The following LIN9 variants were observed in gnomAD, a reference collection of about 807,000 sequenced individuals.
The protein encoded by LIN9 is lin-9 DREAM MuvB core complex component.
Under a neutral mutation model 78.0 loss-of-function variants are expected in LIN9, and 18 were observed. That is an observed-to-expected ratio of 0.23 (90% confidence interval 0.16 to 0.34). The LOEUF is 0.34. LIN9 is among the 10% of genes least tolerant of loss of function. LIN9 has a pLI of 1.00. For synonymous variants in LIN9, 192 were observed against 215.2 expected, an observed-to-expected ratio of 0.89 and a Z score of 0.94; for missense variants, 451 against 644.1, an observed-to-expected ratio of 0.70 and a Z score of 3.25.
intron 2 of LIN9, among the ~76,000 whole-genome samples, chr1:226,298,906 AAAAGT>A (rs901840437): frequency 2.6e-5 from 4 of 152,150 alleles, no homozygotes; most frequent in African/African-American, 9.7e-5. Flanking sequence ...CAAAAAAAGA[AAAAGT>A]AAATCAGCGT....
intron 7 of LIN9, among the ~76,000 whole-genome samples, chr1:226,272,295 ATCTGCCTGCC>A (rs752396712): frequency 5.1e-4 from 77 of 151,576 alleles, no homozygotes; most frequent in Non-Finnish European, 9.1e-4. Context: ...ACCTCAAGTG[ATCTGCCTGCC>A]TCGGCCTGCC....
chr1:226,291,352 G>A (rs1661780582), intron 4 of LIN9, among the ~76,000 whole-genome samples: 1 of 151,770 alleles, frequency 6.6e-6, no homozygotes, highest in African/African-American at 2.4e-5. Context: ...AACATGGCCA[G>A]ATCTCAAAAA....
chr1:226,250,979 C>T (rs1458071092), intron 10 of LIN9, 60 bp from the exon 11 acceptor site: 1 of 801,284 alleles, frequency 1.2e-6, no homozygotes, highest in African/African-American at 1.7e-5. Context: ...ATTGGTTAGA[C>T]ATTAAATTTC....
At chr1:226,262,000 G>A (rs549916246) in intron 10 of LIN9, among the ~76,000 whole-genome samples, 5 of 152,274 alleles carry the variant, frequency 3.3e-5, no homozygotes, top group African/African-American at 1.2e-4. Flanking sequence ...ATGGGCAAAG[G>A]CAGTTGCGCA....
intron 1 of LIN9, among the ~76,000 whole-genome samples, chr1:226,305,388 G>GA (rs903805592): frequency 1.4e-5 from 2 of 147,518 alleles, no homozygotes; most frequent in African/African-American, 5.0e-5. Flanking sequence ...AGCTACTGGG[G>GA]AGACTGATGC....
At chr1:226,299,687 T>C (rs1029504824) in intron 2 of LIN9, among the ~76,000 whole-genome samples, 3 of 152,054 alleles carry the variant, frequency 2.0e-5, no homozygotes, top group African/African-American at 7.2e-5. Context: ...CACAATATAG[T>C]AGCTTTAAAG....
chr1:226,287,201 ATAC>A lies in LIN9; in HGVS notation c.398+460_398+462del, dbSNP rs578201233. On this transcript the variant is annotated intron_variant, in intron 5 of 14. Coordinates refer to ENST00000681046, the MANE Select transcript of LIN9 (RefSeq NM_001366245.2). ...AATAATTGTATTTCAGCCAAATCTC[ATAC>A]TACGTCATACTTAAGCATATGTGTA... Among the ~76,000 whole-genome samples, 5 of 152,352 alleles carry A rather than the reference ATAC, an allele frequency of 3.3e-5. No individual in the cohort carries two copies. In the East Asian group the frequency reaches 9.6e-4, roughly 29 times the overall value.
intron 6 of LIN9, 113 bp downstream of exon 6, chr1:226,286,220 C>A: frequency 9.1e-7 from 1 of 1,104,020 alleles, no homozygotes; most frequent in East Asian, 2.5e-5. Flanking sequence ...GCCCTGAACC[C>A]CTGGCCTTAA....
intron 4 of LIN9, among the ~76,000 whole-genome samples, chr1:226,288,991 C>A (rs1033966551): frequency 1.3e-5 from 2 of 152,252 alleles, no homozygotes; most frequent in African/African-American, 4.8e-5. Context: ...GTAATCCCAG[C>A]ACTTTGGGAG....
rs186893754 is a variant in LIN9, at chr1:226,270,488, A to C, written c.683-2398T>G. ...GGCTCTTAAGAAAAGTACAGTAAGAAATTGAGAGAGATATTTAGCAAAGAC... is the reference window on the plus strand; with the variant it reads ...GGCTCTTAAGAAAAGTACAGTAAGACATTGAGAGAGATATTTAGCAAAGAC... On this transcript the variant is annotated intron_variant, in intron 7 of 14. Transcript: ENST00000681046. 1.7e-3 allele frequency among the ~76,000 whole-genome samples: 265 copies of C among 152,300 alleles called. No homozygotes were observed. In the Middle Eastern group the frequency reaches 0.02, roughly 12 times the overall value.
chr1:226,257,229 CGT>C (rs1311951735), intron 10 of LIN9, among the ~76,000 whole-genome samples: 3 of 152,058 alleles, frequency 2.0e-5, no homozygotes, highest in Non-Finnish European at 4.4e-5. Flanking sequence ...GGATCACAGG[CGT>C]GAGCCACCAC....
chr1:226,282,028 A>G (rs1661098309), intron 6 of LIN9, among the ~76,000 whole-genome samples: 1 of 152,166 alleles, frequency 6.6e-6, no homozygotes, highest in Non-Finnish European at 1.5e-5. Context: ...TTGACACCTT[A>G]GACATATACA....
intron 6 of LIN9, among the ~76,000 whole-genome samples, chr1:226,281,023 C>A (rs1661016981): frequency 6.6e-6 from 1 of 152,152 alleles, no homozygotes; most frequent in African/African-American, 2.4e-5. Context: ...CCCTAAGCGT[C>A]CATCAACAGA....
At chr1:226,289,283 T>C (rs1338449481) in intron 4 of LIN9, among the ~76,000 whole-genome samples, 3 of 152,020 alleles carry the variant, frequency 2.0e-5, no homozygotes, top group Non-Finnish European at 4.4e-5. Context: ...GAATATGTGA[T>C]AATATCTTAC....
rs1267646328 is a variant in LIN9, at chr1:226,250,928, AAAG to A, written c.1039-12_1039-10del. On this transcript the variant is annotated splice_polypyrimidine_tract_variant and intron_variant, in intron 10 of 14. Coordinates refer to ENST00000681046, the MANE Select transcript of LIN9 (RefSeq NM_001366245.2). ...ATTTTTGATAATCTGGTCTACAGAC[AAAG>A]AAGAAATATTTTAGAATAAACAGAG... The A allele has an allele frequency of 7.4e-7, 1 of 1,351,960 alleles. No individual in the cohort carries two copies. Among genetic ancestry groups the A allele is most frequent in the Non-Finnish European group, 1.0e-6 (1 of 960,666 alleles). 83.7% of individuals were successfully genotyped at this position (1,351,960 alleles called of 1,614,324 possible).
intron 12 of LIN9, among the ~76,000 whole-genome samples, chr1:226,236,009 T>C (rs76639455): frequency 1.3e-3 from 204 of 152,312 alleles, no homozygotes; most frequent in African/African-American, 4.6e-3. Context: ...GAAATCACTC[T>C]GTGTCAGTAA....
intron 1 of LIN9, among the ~76,000 whole-genome samples, 196 bp from the exon 2 acceptor site, chr1:226,301,401 A>G (rs1055390666): frequency 6.6e-6 from 1 of 152,202 alleles, no homozygotes; most frequent in Non-Finnish European, 1.5e-5. Flanking sequence ...AGAACTGGAG[A>G]GAGACATATG....
intron 10 of LIN9, among the ~76,000 whole-genome samples, chr1:226,258,528 A>G (rs1483252987): frequency 1.3e-5 from 2 of 151,604 alleles, no homozygotes; most frequent in Non-Finnish European, 2.9e-5. Context: ...TAATCAAAAG[A>G]AAGCAGGAGC....
chr1:226,234,954 C>T lies in LIN9; in HGVS notation c.1246-1431G>A, dbSNP rs980958915. Among the ~76,000 whole-genome samples, 12 of 141,890 alleles carry T rather than the reference C, an allele frequency of 8.5e-5. No individual in the cohort carries two copies. The South Asian group carries it at 1.8e-3, about 21-fold the overall frequency. The allele number at this position is 141,890 out of a possible 152,430, so 93.1% of individuals were successfully genotyped here. Reference sequence around the variant, plus strand: ...TTGCCCAGGCTGGAGTGCAGTGGTGCGATCTCAGCTCACTGCAACCTCTGC... The same window carrying T: ...TTGCCCAGGCTGGAGTGCAGTGGTGTGATCTCAGCTCACTGCAACCTCTGC... On this transcript the variant is annotated intron_variant, in intron 12 of 14. Coordinates refer to ENST00000681046, the MANE Select transcript of LIN9 (RefSeq NM_001366245.2).
Sources: gnomAD v4.1 joint callset for allele counts (sites outside exome capture counted in the v4.1 genomes callset) on GRCh38, gnomAD v4.1.1 for gene constraint, MANE v1.5 for transcripts, NCBI Gene and HGNC (gene_info 2026-07-23, HGNC 2026-07-21) for gene names.